CHN2: variants seen among roughly 807,000 people sequenced by gnomAD.
The protein encoded by CHN2 is chimerin 2, also known as beta-chimaerin.
In CHN2, 35 loss-of-function variants were observed where a neutral mutation model predicts 56.3. That is an observed-to-expected ratio of 0.62 (90% confidence interval 0.47 to 0.82). CHN2 has a LOEUF of 0.82. Ranked by LOEUF, CHN2 falls within the 40% of genes least tolerant of loss-of-function variation. The pLI is 0.00. For missense variants in CHN2, 491 were observed against 580.5 expected (o/e 0.85, Z 1.58); for synonymous variants, 210 against 212.8 (o/e 0.99, Z 0.12).
chr7:29,359,667 A>G (rs1019658546), intron 2 of CHN2, among the ~76,000 whole-genome samples: 3 of 152,248 alleles, frequency 2.0e-5, no homozygotes, highest in African/African-American at 7.2e-5. Flanking sequence ...ACTGAATACA[A>G]GAAACATTGA....
In CHN2 at chr7:29,147,386, G is replaced by A. The variant is rs146908063; in HGVS notation, c.274+426G>A. Reference sequence around the variant, plus strand: ...AGTGAGCCCAGGGAAACCCGCAGTAGAGCAGCCCAGCCAACCCGACAGTCA... The same window carrying A: ...AGTGAGCCCAGGGAAACCCGCAGTAAAGCAGCCCAGCCAACCCGACAGTCA... On this transcript the variant is annotated intron_variant, in intron 2 of 6. Coordinates refer to the CHN2 transcript ENST00000439384. The A allele has an allele frequency of 3.9e-3, 626 of 160,908 alleles. 4 individuals carry two copies. The highest frequency in any genetic ancestry group is 6.3e-3 in the Middle Eastern group (2 of 316). The allele number at this position is 160,908 out of a possible 1,614,324, so 10.0% of individuals were successfully genotyped here.
At chr7:29,293,068 T>C (rs1343091695) in intron 1 of CHN2, 1 of 454,496 alleles carries the variant, frequency 2.2e-6, no homozygotes, top group African/African-American at 2.0e-5. Flanking sequence ...CCGCTTCCAT[T>C]GCAAAGACAG....
intron 2 of CHN2, among the ~76,000 whole-genome samples, chr7:29,182,904 T>C (rs528820724): frequency 2.0e-5 from 3 of 152,296 alleles, no homozygotes; most frequent in African/African-American, 7.2e-5. Context: ...TTAAATGGCT[T>C]GAGAATCCAG....
chr7:29,213,487 T>A (rs1162138139), intron 1 of CHN2, among the ~76,000 whole-genome samples: 1 of 152,234 alleles, frequency 6.6e-6, no homozygotes, highest in Non-Finnish European at 1.5e-5. Context: ...TGTCTCTGGC[T>A]ATAGATAAGT....
chr7:29,277,790 T>C (rs568643195), intron 1 of CHN2, among the ~76,000 whole-genome samples: 2 of 152,298 alleles, frequency 1.3e-5, no homozygotes, highest in Non-Finnish European at 2.9e-5. Context: ...CTCTAAACCA[T>C]GATGGCATCA....
chr7:29,195,623 A>AGTGTGTGTGT (rs1321934892), intron 1 of CHN2, among the ~76,000 whole-genome samples: 2 of 128,118 alleles, frequency 1.6e-5, no homozygotes, highest in African/African-American at 6.7e-5. Flanking sequence ...AGAGAGAGAG[A>AGTGTGTGTGT]GAGAGAGTGT....
At chr7:29,438,550 C>T (rs945453961) in intron 6 of CHN2, among the ~76,000 whole-genome samples, 1 of 152,100 alleles carries the variant, frequency 6.6e-6, no homozygotes, top group East Asian at 1.9e-4. Context: ...CAATGAACAT[C>T]CTTGTAGCTA....
intron 6 of CHN2, among the ~76,000 whole-genome samples, chr7:29,472,871 C>T (rs1214683161): frequency 6.6e-6 from 1 of 152,218 alleles, no homozygotes; most frequent in Non-Finnish European, 1.5e-5. Context: ...GGGCTGTGGG[C>T]AGCCAGCACC....
intron 1 of CHN2, among the ~76,000 whole-genome samples, chr7:29,301,128 G>C (rs752653041): frequency 7.9e-5 from 12 of 152,070 alleles, no homozygotes; most frequent in Non-Finnish European, 1.8e-4. Flanking sequence ...AGTCCAGAAA[G>C]TCCTTTGTCA....
chr7:29,276,449 C>T (rs1791228742), intron 1 of CHN2, among the ~76,000 whole-genome samples: 1 of 152,150 alleles, frequency 6.6e-6, no homozygotes, highest in South Asian at 2.1e-4. Context: ...GCATCACTGG[C>T]TCTCTCTGCC....
intron 1 of CHN2, among the ~76,000 whole-genome samples, chr7:29,205,491 T>C (rs1362506015): frequency 6.6e-6 from 1 of 152,152 alleles, no homozygotes; most frequent in Admixed American, 6.5e-5. Context: ...ACTTGAAAAT[T>C]TGTGAACAAA....
intron 6 of CHN2, among the ~76,000 whole-genome samples, chr7:29,414,927 T>C (rs1049405934): frequency 6.6e-6 from 1 of 151,932 alleles, no homozygotes; most frequent in African/African-American, 2.4e-5. Flanking sequence ...CAGTCTTCCC[T>C]GACCTACACA....
intron 2 of CHN2, among the ~76,000 whole-genome samples, chr7:29,188,076 G>A (rs945337691): frequency 2.6e-5 from 4 of 152,176 alleles, no homozygotes; most frequent in African/African-American, 7.2e-5. Context: ...GGTAGGGAGA[G>A]ATGAAAATTA....
intron 6 of CHN2, among the ~76,000 whole-genome samples, chr7:29,472,448 C>T (rs1477651496): frequency 6.6e-6 from 1 of 152,198 alleles, no homozygotes; most frequent in African/African-American, 2.4e-5. Flanking sequence ...GTACGAATGG[C>T]TGCAGCATTT....
chr7:29,221,236 A>T (rs1027069494), intron 1 of CHN2, among the ~76,000 whole-genome samples: 1 of 152,216 alleles, frequency 6.6e-6, no homozygotes, highest in African/African-American at 2.4e-5. Flanking sequence ...ATGAAGGTTG[A>T]GAAGAACGAA....
intron 1 of CHN2, among the ~76,000 whole-genome samples, chr7:29,268,862 C>T (rs1345432851): frequency 2.6e-5 from 4 of 152,174 alleles, no homozygotes; most frequent in South Asian, 2.1e-4. Flanking sequence ...AAATGGGCCA[C>T]GGTCAGATAA....
In CHN2 at chr7:29,510,120, G is replaced by A. The variant is rs898484788; in HGVS notation, c.1235+714G>A. ...CCTGGGAGAGCACATTCCCAGCCTG[G>A]TCTCTTATTTTTCTGGATGTGTGAG... On this transcript the variant is annotated intron_variant, in intron 12 of 12. Transcript: ENST00000222792. 2.0e-5 allele frequency among the ~76,000 whole-genome samples: 3 copies of A among 152,254 alleles called. No individual in the cohort carries two copies. The South Asian group carries it at 6.2e-4, about 32-fold the overall frequency.
At chr7:29,476,163 CT>C (rs1319475020) in intron 6 of CHN2, among the ~76,000 whole-genome samples, 2 of 152,282 alleles carry the variant, frequency 1.3e-5, no homozygotes, top group East Asian at 3.9e-4. Context: ...AAACTCTCAG[CT>C]TCCATTTCCT....
intron 6 of CHN2, among the ~76,000 whole-genome samples, chr7:29,449,632 T>C (rs949706359): frequency 2.0e-5 from 3 of 152,246 alleles, no homozygotes; most frequent in Non-Finnish European, 4.4e-5. Flanking sequence ...TTTGCATTCA[T>C]TCAGAATCAT....
Sources: gnomAD v4.1 joint callset for allele counts (sites outside exome capture counted in the v4.1 genomes callset) on GRCh38, gnomAD v4.1.1 for gene constraint, MANE v1.5 for transcripts, NCBI Gene and HGNC (gene_info 2026-07-23, HGNC 2026-07-21) for gene names.